C9orf72: variants seen among roughly 807,000 people sequenced by gnomAD.
C9orf72 encodes C9orf72-SMCR8 complex subunit.
C9orf72 carries 44 observed loss-of-function variants against 51.6 expected under a neutral mutation model. The observed-to-expected ratio is 0.85, with a 90% CI of 0.67 to 1.10. C9orf72 has a LOEUF of 1.10. C9orf72 is among the 50% of genes least tolerant of loss of function. The pLI, the probability that C9orf72 is intolerant of heterozygous loss-of-function variation, is 0.00. For synonymous variants in C9orf72, 213 were observed against 194.2 expected (o/e 1.10, Z -0.81); for missense variants, 607 against 570.6 (o/e 1.06, Z -0.65).
chr9:27,571,131 C>T (rs986122410), intron 1 of C9orf72: 5 of 152,158 alleles, frequency 3.3e-5, no homozygotes, highest in African/African-American at 7.2e-5. Context: ...ACCTATCTTA[C>T]GTACATGTAG....
rs201818484 is a variant in C9orf72, at chr9:27,556,541, G to C, written c.1091+20C>G. ...TTCATATTGCTTGACTACAGTACCA[G>C]CAGGCAGAGCATTACGTACAAATCA... is the stretch of plus-strand genomic sequence containing the variant. On this transcript the variant is annotated intron_variant, in intron 8 of 10. Transcript: ENST00000380003. 6.7e-7 allele frequency: 1 copy of C among 1,487,278 alleles called. No individual in the cohort carries two copies. The highest frequency in any genetic ancestry group is 2.3e-5 in the East Asian group (1 of 43,918). 92.1% of individuals were successfully genotyped at this position (1,487,278 alleles called of 1,614,324 possible).
intron 5 of C9orf72, chr9:27,560,647 T>C: frequency 9.8e-7 from 1 of 1,015,732 alleles, no homozygotes; most frequent in Non-Finnish European, 1.2e-6. Context: ...AAATGATGTA[T>C]GAAAGGCTGA....
chr9:27,552,503 C>T (rs186764294), intron 8 of C9orf72, among the ~76,000 whole-genome samples: 16 of 147,910 alleles, frequency 1.1e-4, no homozygotes, highest in Admixed American at 2.1e-4. Flanking sequence ...TGCATGTCAC[C>T]ATACCAAGCT....
intron 2 of C9orf72, among the ~76,000 whole-genome samples, chr9:27,566,429 C>A (rs1269605422): frequency 1.3e-5 from 2 of 152,090 alleles, no homozygotes; most frequent in African/African-American, 2.4e-5. Flanking sequence ...CTAAAAGTTT[C>A]TTTATTTGTC....
At position 27,566,331 on chromosome 9, in the gene C9orf72, C is replaced by T. The variant is rs530733612; in HGVS notation, c.444+346G>A. The stretch of plus-strand genomic sequence containing the variant: ...CTATTACTTTGAACTGTTATACTTA[C>T]ACATAGTAGTAAGCAAAAGACAGAA... On this transcript the variant is annotated intron_variant, in intron 2 of 10. Coordinates refer to ENST00000380003, the MANE Select transcript of C9orf72 (RefSeq NM_018325.5). Among the ~76,000 whole-genome samples the T allele has an allele frequency of 4.0e-4, 61 of 152,228 alleles. 1 individual carries two copies. The highest frequency in any genetic ancestry group is 1.5e-3 in the African/African-American group (61 of 41,542).
chr9:27,551,088 A>C (rs7855962), intron 8 of C9orf72, among the ~76,000 whole-genome samples: 3 of 151,840 alleles, frequency 2.0e-5, no homozygotes, highest in East Asian at 1.9e-4. Context: ...CATCTCAAAA[A>C]AAAACAAAAA....
In C9orf72 at chr9:27,547,222, TG is replaced by T. The variant is rs899217254; in HGVS notation, c.*1013del. ...ACAACTTCAAAAACATAGGCAGAAA[TG>T]CAAGAAGGAAGTACTCAAGGAACTA... On this transcript the variant is annotated 3_prime_UTR_variant, in exon 11 of 11. Coordinates refer to ENST00000380003, the MANE Select transcript of C9orf72 (RefSeq NM_018325.5). 13 of 152,530 alleles carry T rather than the reference TG, an allele frequency of 8.5e-5. No individual in the cohort carries two copies. The highest frequency in any genetic ancestry group is 1.6e-4 in the Non-Finnish European group (11 of 68,018). The allele number at this position is 152,530 out of a possible 1,614,324, so 9.4% of individuals were successfully genotyped here.
chr9:27,550,710 G>A lies in C9orf72; in HGVS notation c.1092-3C>T, dbSNP rs777285860. ...GTAAGACATCTTGAAAAATATTCCT[G>A]AAGAAAAGAAGAAAATGAAGAAAAG... On this transcript the variant is annotated splice_polypyrimidine_tract_variant and splice_region_variant and intron_variant, in intron 8 of 10. Coordinates refer to ENST00000380003, the MANE Select transcript of C9orf72 (RefSeq NM_018325.5). 6.5e-7 allele frequency: 1 copy of A among 1,549,130 alleles called. No individual in the cohort carries two copies.
rs960100300 is a variant in C9orf72, at chr9:27,558,380, G to C, written c.855+111C>G. On this transcript the variant is annotated intron_variant, in intron 7 of 10. Transcript: ENST00000380003. The stretch of plus-strand genomic sequence containing the variant: ...AACTGTGTAAAGGAAGTCAGTCTCT[G>C]GGCATGTCAATATGAGATACATTAA... 1.3e-5 allele frequency: 9 copies of C among 708,084 alleles called. No homozygotes were observed. In the African/African-American group the frequency reaches 1.6e-4, roughly 13 times the overall value. The allele number at this position is 708,084 out of a possible 1,614,324, so 43.9% of individuals were successfully genotyped here. A position where few individuals can be genotyped will look rare whatever the true frequency, so the allele number is the denominator to read the frequency against.
chr9:27,558,525 T>C lies in C9orf72; in HGVS notation c.821A>G (p.Tyr274Cys). The change falls in exon 7 of 11, where the codon TAT becomes TGT. Residue 274 changes from tyrosine to cysteine, a missense_variant. Coordinates refer to ENST00000380003, the MANE Select transcript of C9orf72 (RefSeq NM_018325.5). ...GCCTTGTACAAAGAGCCCTGACTCA[T>C]ATTTAAATGATGATTCTGCTTCACA... ...RLCEAESSFK[Y>C]ESGLFVQGLL... The C allele has an allele frequency of 6.2e-7, 1 of 1,606,420 alleles. No individual in the cohort carries two copies. The highest frequency in any genetic ancestry group is 8.5e-7 in the Non-Finnish European group (1 of 1,176,068).
chr9:27,565,062 T>A (rs1296707008), intron 3 of C9orf72, among the ~76,000 whole-genome samples: 1 of 152,116 alleles, frequency 6.6e-6, no homozygotes, highest in Non-Finnish European at 1.5e-5. Context: ...AGTTATGGAA[T>A]AAAATGTAAA....
chr9:27,566,904 G>A lies in C9orf72; in HGVS notation c.217C>T (p.Arg73Ter), dbSNP rs1274729596. Residue 73 changes from arginine to a stop codon, truncating the protein, a stop_gained, in exon 2 of 11, where the codon CGA (arginine) becomes TGA (stop). Coordinates refer to ENST00000380003, the MANE Select transcript of C9orf72 (RefSeq NM_018325.5). LOFTEE classifies it high-confidence loss of function. ...ANHTLNGEILRNAESGAIDVK... is the reference protein window; with the variant it reads ...ANHTLNGEIL ...TCTATAGCACCACTCTCTGCATTTC[G>A]AAGGATTTCTCCATTTAGAGTGTGG... 5 of 1,613,808 alleles carry A rather than the reference G, an allele frequency of 3.1e-6. No individual in the cohort carries two copies. The highest frequency in any genetic ancestry group is 2.2e-5 in the East Asian group (1 of 44,888).
chr9:27,571,100 A>C (rs1045697546), intron 1 of C9orf72: 3 of 152,214 alleles, frequency 2.0e-5, no homozygotes, highest in African/African-American at 7.2e-5. Context: ...AAATCAGCTC[A>C]AAACCAATAG....
chr9:27,564,638 C>T (rs965820113), intron 3 of C9orf72, among the ~76,000 whole-genome samples: 6 of 151,734 alleles, frequency 4.0e-5, no homozygotes, highest in African/African-American at 1.5e-4. Context: ...TAAAGGAGAT[C>T]ATTGTATTGG....
In C9orf72 at chr9:27,566,709, T is replaced by C; in HGVS notation, c.412A>G (p.Ile138Val). 3 of 1,609,810 alleles carry C rather than the reference T, an allele frequency of 1.9e-6. No homozygotes were observed. Among genetic ancestry groups the C allele is most frequent in the South Asian group, 1.1e-5 (1 of 90,758 alleles). Residue 138 changes from isoleucine (I) to valine (V), a missense_variant, in exon 2 of 11, where the codon ATA becomes GTA. By Grantham distance (29) the Ile-to-Val change is conservative. Transcript: ENST00000380003. ...HRVCVDRLTH[I>V]IRKGRIWMHK... ...ATCCATATTCTTCCTTTCCGGATTA[T>C]ATGTGTTAATCTATCAACACACACT... is the stretch of plus-strand genomic sequence containing the variant.
chr9:27,560,525 G>C, intron 5 of C9orf72: 1 of 668,574 alleles, frequency 1.5e-6, no homozygotes, highest in Non-Finnish European at 2.0e-6. Context: ...CAATTAGTCA[G>C]TATAATATCA....
At chr9:27,562,831 C>T (rs913806777) in intron 3 of C9orf72, among the ~76,000 whole-genome samples, 6 of 152,066 alleles carry the variant, frequency 3.9e-5, no homozygotes, top group South Asian at 4.1e-4. Flanking sequence ...CCACCATGCC[C>T]GGCTGATTTT....
In C9orf72 at chr9:27,558,615, A is replaced by G. The variant is rs965935262; in HGVS notation, c.739-8T>C. 2.1e-6 allele frequency: 3 copies of G among 1,446,100 alleles called. No homozygotes were observed. The highest frequency in any genetic ancestry group is 2.9e-5 in the African/African-American group (2 of 69,832). 89.6% of individuals were successfully genotyped at this position (1,446,100 alleles called of 1,614,324 possible). A position where few individuals can be genotyped will look rare whatever the true frequency, so the allele number is the denominator to read the frequency against. On this transcript the variant is annotated splice_region_variant and splice_polypyrimidine_tract_variant and intron_variant, in intron 6 of 10. Coordinates refer to ENST00000380003, the MANE Select transcript of C9orf72 (RefSeq NM_018325.5). Reference sequence around the variant, plus strand: ...GCATAATGTTCTGACTATCTATAAAAGAAAATATTTTAGCATTAAAACATG... The same window carrying G: ...GCATAATGTTCTGACTATCTATAAAGGAAAATATTTTAGCATTAAAACATG...
At position 27,561,140 on chromosome 9, in the gene C9orf72, A is replaced by G. The variant is rs145979709; in HGVS notation, c.665+445T>C. ...TCAGGCACCTTGCCCACGGGTACAC[A>G]GCATTAATCCAGGGAGTCTGGTTTA... On this transcript the variant is annotated intron_variant, in intron 5 of 10. Coordinates refer to ENST00000380003, the MANE Select transcript of C9orf72 (RefSeq NM_018325.5). 775 of 558,500 alleles carry G rather than the reference A, an allele frequency of 1.4e-3. 6 individuals are homozygous for G. The African/African-American group carries it at 0.014, about 10-fold the overall frequency. The allele number at this position is 558,500 out of a possible 1,614,324, so 34.6% of individuals were successfully genotyped here.
Sources: allele counts gnomAD v4.1 joint callset (sites outside exome capture counted in the v4.1 genomes callset), GRCh38; gene constraint gnomAD v4.1.1; transcripts MANE v1.5; gene names NCBI Gene and HGNC (gene_info 2026-07-23, HGNC 2026-07-21).